The following ENOX2 variants were observed in gnomAD, a reference collection of about 807,000 sequenced individuals.
ENOX2 encodes the protein APK1 antigen.
In ENOX2, 36 loss-of-function variants were observed where a neutral mutation model predicts 45.0. The observed-to-expected ratio is 0.80, with a 90% CI of 0.61 to 1.06. The LOEUF (loss-of-function observed/expected upper bound fraction) is 1.06, where lower values mean the gene tolerates loss of function less well. Ranked by LOEUF, ENOX2 falls within the 50% of genes least tolerant of loss-of-function variation. The pLI is 0.00. For missense variants in ENOX2, 423 were observed against 462.5 expected, an observed-to-expected ratio of 0.91 and a Z score of 0.78; for synonymous variants, 174 against 152.3, an observed-to-expected ratio of 1.14 and a Z score of -1.05.
At chrX:130,834,051 G>A (rs1297797488) in intron 2 of ENOX2, among the ~76,000 whole-genome samples, 1 of 111,342 alleles carries the variant, frequency 9.0e-6, no homozygotes, top group East Asian at 2.8e-4. Context: ...CTAAGTTACA[G>A]GCAATTTTGT....
intron 5 of ENOX2, among the ~76,000 whole-genome samples, chrX:130,682,015 A>AC (rs60504049): frequency 0.011 from 958 of 86,104 alleles, 4 homozygotes; most frequent in Admixed American, 0.025. Context: ...ATGGAACACA[A>AC]CCCCCCCCCC....
At chrX:130,698,443 T>C (rs993778999) in intron 4 of ENOX2, among the ~76,000 whole-genome samples, 1 of 110,124 alleles carries the variant, frequency 9.1e-6, no homozygotes, top group Non-Finnish European at 1.9e-5. Flanking sequence ...GGTGTAGATA[T>C]GTTCCATGGT....
chrX:130,681,067 C>T (rs1269723688), intron 5 of ENOX2, among the ~76,000 whole-genome samples: 4 of 112,380 alleles, frequency 3.6e-5, no homozygotes, highest in African/African-American at 1.3e-4. Context: ...ATTTCAAGAC[C>T]TCACTGTACT....
At chrX:130,684,512 G>A (rs923772990) in intron 5 of ENOX2, among the ~76,000 whole-genome samples, 3 of 111,698 alleles carry the variant, frequency 2.7e-5, no homozygotes, top group African/African-American at 9.8e-5. Context: ...ATATAGATTT[G>A]GAAGTCATTA....
intron 4 of ENOX2, among the ~76,000 whole-genome samples, chrX:130,693,331 G>A (rs1051557128): frequency 2.7e-5 from 3 of 112,355 alleles, no homozygotes; most frequent in African/African-American, 6.5e-5. Flanking sequence ...TGTTTATTAA[G>A]TGCTTAAAAT....
At chrX:130,685,832 G>A (rs1413108653) in intron 5 of ENOX2, among the ~76,000 whole-genome samples, 2 of 111,526 alleles carry the variant, frequency 1.8e-5, no homozygotes, top group Non-Finnish European at 3.8e-5. Context: ...GTGATGGATT[G>A]AAGACAGTCA....
intron 9 of ENOX2, among the ~76,000 whole-genome samples, chrX:130,659,422 G>GA (rs1195765848): frequency 9.0e-6 from 1 of 111,482 alleles, no homozygotes; most frequent in Non-Finnish European, 1.9e-5. Context: ...ACTTAAAATA[G>GA]AAAAAAATAA....
intron 14 of ENOX2, among the ~76,000 whole-genome samples, chrX:130,626,481 T>G (rs1466955723): frequency 8.9e-6 from 1 of 112,361 alleles, no homozygotes; most frequent in Non-Finnish European, 1.9e-5. Context: ...AACTTGCACT[T>G]TACTAGATTT....
chrX:130,646,275 C>A, intron 10 of ENOX2: 1 of 395,353 alleles, frequency 2.5e-6, no homozygotes, highest in Non-Finnish European at 4.7e-6. Flanking sequence ...CCTACTGGGA[C>A]CCCATAGCAA....
intron 4 of ENOX2, among the ~76,000 whole-genome samples, chrX:130,690,516 G>C (rs2037564919): frequency 8.9e-6 from 1 of 112,603 alleles, no homozygotes; most frequent in Non-Finnish European, 1.9e-5. Context: ...TGCAAAGAAA[G>C]AAAGTGGACT....
chrX:130,865,049 T>C (rs1239647267), intron 2 of ENOX2, among the ~76,000 whole-genome samples: 29 of 109,883 alleles, frequency 2.6e-4, no homozygotes, highest in African/African-American at 9.3e-4. Context: ...GATTTTTTTT[T>C]TTTTTTTTTT....
intron 3 of ENOX2, among the ~76,000 whole-genome samples, chrX:130,709,937 C>T (rs888243983): frequency 1.8e-5 from 2 of 109,553 alleles, no homozygotes; most frequent in Non-Finnish European, 3.8e-5. Context: ...CCTGACAGGC[C>T]CTGGTGTGTG....
chrX:130,765,067 C>T (rs1177042909), intron 3 of ENOX2, among the ~76,000 whole-genome samples: 1 of 110,893 alleles, frequency 9.0e-6, no homozygotes, highest in African/African-American at 3.3e-5. Flanking sequence ...TTTACCCAGC[C>T]TTATTTTATA....
chrX:130,837,265 G>C (rs1261461395), intron 2 of ENOX2, among the ~76,000 whole-genome samples: 1 of 111,452 alleles, frequency 9.0e-6, no homozygotes, highest in African/African-American at 3.3e-5. Context: ...TCTCCATTTG[G>C]TGGCCCAGTG....
At chrX:130,848,592 C>T (rs1235928823) in intron 2 of ENOX2, among the ~76,000 whole-genome samples, 1 of 112,128 alleles carries the variant, frequency 8.9e-6, no homozygotes, top group African/African-American at 3.2e-5. Flanking sequence ...TTTTCTCCCT[C>T]CCATTGCACT....
chrX:130,882,333 G>GA (rs148363895), intron 2 of ENOX2, among the ~76,000 whole-genome samples: 7,611 of 79,599 alleles, frequency 0.096, 480 homozygotes, highest in East Asian at 0.24. Flanking sequence ...TGTCTATTTG[G>GA]AAAAAAAAAA....
chrX:130,710,196 T>A (rs2038153656), intron 3 of ENOX2, among the ~76,000 whole-genome samples: 1 of 111,855 alleles, frequency 8.9e-6, no homozygotes, highest in South Asian at 3.8e-4. Context: ...GATGAGGTAA[T>A]AGGAACAGAG....
chrX:130,677,318 A>C (rs888679688), intron 6 of ENOX2, among the ~76,000 whole-genome samples: 5 of 112,102 alleles, frequency 4.5e-5, no homozygotes, highest in Non-Finnish European at 3.8e-5. Flanking sequence ...TTTTTCTTTA[A>C]TAAATAAGTG....
rs2036660098 is a variant in ENOX2, at chrX:130,660,485, G to A, written c.1015-3790C>T. ...ACAAATACCTTCAGAGTGAAGGGCT[G>A]AAAGGTGACATGAACCCCAGGAAGG... On this transcript the variant is annotated intron_variant, in intron 9 of 14. Transcript: ENST00000394363. Among the ~76,000 whole-genome samples the A allele has an allele frequency of 3.6e-5, 4 of 111,771 alleles. No individual in the cohort carries two copies. The Admixed American group carries it at 3.8e-4, about 11-fold the overall frequency.
Sources: allele counts gnomAD v4.1 joint callset (sites outside exome capture counted in the v4.1 genomes callset), GRCh38; gene constraint gnomAD v4.1.1; transcripts MANE v1.5; gene names NCBI Gene and HGNC (gene_info 2026-07-23, HGNC 2026-07-21).